COL22A1: variants seen among roughly 807,000 people sequenced by gnomAD.
The protein encoded by COL22A1 is collagen type XXII alpha 1 chain.
COL22A1 carries 221 observed loss-of-function variants against 248.9 expected under a neutral mutation model. The ratio of observed to expected loss-of-function variants is 0.89; its 90% CI spans 0.80 to 0.99. The LOEUF (loss-of-function observed/expected upper bound fraction) is 0.99, where lower values mean the gene tolerates loss of function less well. Ranked by LOEUF, COL22A1 falls within the 50% of genes least tolerant of loss-of-function variation. The pLI is 0.00. For missense variants in COL22A1, 2,240 were observed against 2,179.0 expected (o/e 1.03, Z -0.56); for synonymous variants, 891 against 793.4 (o/e 1.12, Z -2.07).
At chr8:138,591,222 C>A (rs953296008) in intron 64 of COL22A1, among the ~76,000 whole-genome samples, 2 of 152,156 alleles carry the variant, frequency 1.3e-5, no homozygotes, top group Admixed American at 1.3e-4. Flanking sequence ...ATAGAATACA[C>A]TACAGTTTTC....
chr8:138,783,630 C>T (rs113149600), intron 12 of COL22A1, among the ~76,000 whole-genome samples: 19 of 152,302 alleles, frequency 1.2e-4, no homozygotes, highest in African/African-American at 4.3e-4. Context: ...CTCAGACACA[C>T]CCAGGATCAA....
chr8:138,908,943 C>T (rs1172599883), intron 1 of COL22A1, among the ~76,000 whole-genome samples: 1 of 152,066 alleles, frequency 6.6e-6, no homozygotes, highest in East Asian at 1.9e-4. Context: ...ATCCCTCTGC[C>T]CCTGGAGATG....
At position 138,589,331 on chromosome 8, in the gene COL22A1, G is replaced by T. The variant is rs1382367681; in HGVS notation, c.4803C>A (p.Pro1601=). ...ACTGGGAAGGGTCACATTGGCCTGG[G>T]GGACCGGGAGGTCCTGGGAGGCCAG... is the stretch of plus-strand genomic sequence containing the variant. The part of the protein sequence containing the change: ...GHPGLPGPPG[P]PGQCDPSQCA... The change falls in exon 65 of 65, where the codon CCC becomes CCA. Residue 1601 remains proline (P), a synonymous_variant. Transcript: ENST00000303045. 52 of 1,612,786 alleles carry T rather than the reference G, an allele frequency of 3.2e-5. No individual in the cohort carries two copies. The Admixed American group carries it at 8.7e-4, about 27-fold the overall frequency.
intron 56 of COL22A1, among the ~76,000 whole-genome samples, chr8:138,612,009 C>A (rs2131885126): frequency 6.6e-6 from 1 of 152,324 alleles, no homozygotes; most frequent in African/African-American, 2.4e-5. Flanking sequence ...AAAAAACACA[C>A]AACATACAAG....
At chr8:138,597,685 CT>C (rs1220607500) in intron 61 of COL22A1, among the ~76,000 whole-genome samples, 1 of 152,238 alleles carries the variant, frequency 6.6e-6, no homozygotes, top group Non-Finnish European at 1.5e-5. Context: ...TCTTACGGTG[CT>C]CATCTCTGTA....
At chr8:138,859,228 G>C (rs1475288893) in intron 3 of COL22A1, among the ~76,000 whole-genome samples, 1 of 152,216 alleles carries the variant, frequency 6.6e-6, no homozygotes, top group Non-Finnish European at 1.5e-5. Flanking sequence ...ACACAGTCGT[G>C]ACCCCAAAAT....
intron 10 of COL22A1, among the ~76,000 whole-genome samples, chr8:138,804,969 T>C (rs538475949): frequency 1.7e-5 from 2 of 118,446 alleles, no homozygotes; most frequent in African/African-American, 6.8e-5. Flanking sequence ...GTGTAGGTAA[T>C]GGTATGTGGT....
chr8:138,646,725 T>A, intron 46 of COL22A1, 43 bp from the exon 47 acceptor site: 2 of 1,417,844 alleles, frequency 1.4e-6, no homozygotes, highest in African/African-American at 1.4e-5. Flanking sequence ...CAAGAATGAG[T>A]ATCAGGCCCA....
chr8:138,690,902 C>A (rs748329960), intron 35 of COL22A1, 28 bp from the exon 36 acceptor site: 2 of 1,590,350 alleles, frequency 1.3e-6, no homozygotes, highest in South Asian at 2.3e-5. Flanking sequence ...TTTAGAAAGG[C>A]CAAACGCATT....
intron 31 of COL22A1, among the ~76,000 whole-genome samples, chr8:138,703,072 C>G (rs773469306): frequency 6.6e-6 from 1 of 152,220 alleles, no homozygotes; most frequent in Non-Finnish European, 1.5e-5. Flanking sequence ...TTCTCAGTAT[C>G]TAGCACCCAT....
intron 36 of COL22A1, 28 bp from the exon 37 acceptor site, chr8:138,688,998 T>A (rs1292729867): frequency 6.3e-7 from 1 of 1,597,456 alleles, no homozygotes; most frequent in Non-Finnish European, 8.6e-7. Flanking sequence ...ACGGACATGG[T>A]GAATTTAAAG....
intron 1 of COL22A1, among the ~76,000 whole-genome samples, chr8:138,903,939 C>T (rs1258236140): frequency 2.0e-5 from 3 of 152,150 alleles, no homozygotes; most frequent in Admixed American, 1.3e-4. Flanking sequence ...TCCTGATGCA[C>T]ACTGGATCCC....
chr8:138,757,044 C>T (rs944427568), intron 18 of COL22A1, among the ~76,000 whole-genome samples: 15 of 152,216 alleles, frequency 9.9e-5, no homozygotes, highest in Admixed American at 2.6e-4. Context: ...CCTGCACACA[C>T]GTGCACACAC....
At chr8:138,716,759 C>A in intron 28 of COL22A1, 66 bp downstream of exon 28, 1 of 1,167,584 alleles carries the variant, frequency 8.6e-7, no homozygotes, top group Non-Finnish European at 1.3e-6. Flanking sequence ...ATAATTTATA[C>A]AAGATGTAGC....
intron 43 of COL22A1, among the ~76,000 whole-genome samples, chr8:138,661,462 C>T (rs1258185396): frequency 6.6e-6 from 1 of 152,168 alleles, no homozygotes. Context: ...GATCAAGTAC[C>T]TTCTATGTGC....
At chr8:138,823,985 G>A (rs71532178) in intron 6 of COL22A1, among the ~76,000 whole-genome samples, 3 of 152,076 alleles carry the variant, frequency 2.0e-5, no homozygotes, top group African/African-American at 7.2e-5. Context: ...ACACAACCTG[G>A]GTCTTCTGGT....
chr8:138,609,684 C>T (rs1034283192), intron 56 of COL22A1, among the ~76,000 whole-genome samples: 8 of 152,240 alleles, frequency 5.3e-5, no homozygotes, highest in African/African-American at 1.7e-4. Context: ...AGCCCTCCTC[C>T]TTCTTTCTCT....
chr8:138,708,490 A>T (rs2131033455), intron 30 of COL22A1, among the ~76,000 whole-genome samples: 1 of 152,354 alleles, frequency 6.6e-6, no homozygotes, highest in African/African-American at 2.4e-5. Context: ...CCACACATCT[A>T]CAACCATCTG....
At chr8:138,724,083 C>T (rs1411750345) in intron 25 of COL22A1, among the ~76,000 whole-genome samples, 1 of 152,192 alleles carries the variant, frequency 6.6e-6, no homozygotes, top group Non-Finnish European at 1.5e-5. Context: ...CCACGTCATC[C>T]ATCATCCTGC....
Sources: allele counts gnomAD v4.1 joint callset (sites outside exome capture counted in the v4.1 genomes callset), GRCh38; gene constraint gnomAD v4.1.1; transcripts MANE v1.5; gene names NCBI Gene and HGNC (gene_info 2026-07-23, HGNC 2026-07-21).